Variants in NUMB observed in about 807,000 individuals in gnomAD.
The protein encoded by NUMB is NUMB endocytic adaptor protein.
In NUMB, 29 loss-of-function variants were observed where a neutral mutation model predicts 59.7. The ratio of observed to expected loss-of-function variants is 0.49; its 90% CI spans 0.36 to 0.66. The LOEUF is 0.66. NUMB is among the 30% of genes least tolerant of loss of function. The pLI is 0.00. For synonymous variants in NUMB, 288 were observed against 288.2 expected, an observed-to-expected ratio of 1.00 and a Z score of 0.01; for missense variants, 723 against 822.0, an observed-to-expected ratio of 0.88 and a Z score of 1.47.
chr14:73,312,005 CT>C (rs1400548618), intron 6 of NUMB, among the ~76,000 whole-genome samples: 1 of 152,130 alleles, frequency 6.6e-6, no homozygotes, highest in Admixed American at 6.5e-5. Context: ...ATACTTGCCC[CT>C]CTCTGTTTTC....
At chr14:73,399,462 C>T (rs9805921) in intron 2 of NUMB, among the ~76,000 whole-genome samples, 13,460 of 152,172 alleles carry the variant, frequency 0.088, 1,195 homozygotes, top group African/African-American at 0.21. Flanking sequence ...ACTTGGAAGG[C>T]TGAGGCAGGA....
chr14:73,444,931 C>T (rs2140195246), intron 1 of NUMB, among the ~76,000 whole-genome samples: 1 of 150,386 alleles, frequency 6.6e-6, no homozygotes, highest in South Asian at 2.1e-4. Context: ...CTGCAGAAAA[C>T]ATCCTCCCCA....
In NUMB at chr14:73,276,436, C is replaced by T. The variant is rs1888157831; in HGVS notation, c.*142G>A. The T allele has an allele frequency of 1.5e-6, 1 of 650,686 alleles. No individual in the cohort carries two copies. Among genetic ancestry groups the T allele is most frequent in the South Asian group, 2.1e-5 (1 of 48,194 alleles). The allele number at this position is 650,686 out of a possible 1,614,324, so 40.3% of individuals were successfully genotyped here. On this transcript the variant is annotated 3_prime_UTR_variant, in exon 13 of 13. Coordinates refer to ENST00000555238, the MANE Select transcript of NUMB (RefSeq NM_001005743.2). ...TCTTTCAAAATCACCCCTCACAGTA[C>T]TCTGGGCCTGGACTTGTTCCTTGGG... is the stretch of plus-strand genomic sequence containing the variant.
At chr14:73,354,547 C>T in intron 4 of NUMB, among the ~76,000 whole-genome samples, 1 of 147,466 alleles carries the variant, frequency 6.8e-6, no homozygotes, top group Admixed American at 6.8e-5. Context: ...AGGAAATAGG[C>T]TGGGTGCAGT....
intron 2 of NUMB, among the ~76,000 whole-genome samples, chr14:73,375,158 G>A (rs1289877256): frequency 6.6e-6 from 1 of 152,050 alleles, no homozygotes; most frequent in East Asian, 1.9e-4. Context: ...ATCAACAAAA[G>A]ACTAAGATAT....
intron 4 of NUMB, among the ~76,000 whole-genome samples, chr14:73,355,317 T>A (rs563643242): frequency 2.6e-5 from 4 of 152,234 alleles, no homozygotes; most frequent in Non-Finnish European, 5.9e-5. Context: ...CACTGAAAAT[T>A]TGAGTCCTGA....
intron 4 of NUMB, among the ~76,000 whole-genome samples, chr14:73,350,199 A>C (rs888015416): frequency 2.6e-5 from 3 of 115,388 alleles, no homozygotes; most frequent in African/African-American, 3.5e-5. Context: ...TTTGAGATGG[A>C]GTCTCGGTCT....
intron 3 of NUMB, among the ~76,000 whole-genome samples, chr14:73,356,524 T>C (rs1893792579): frequency 6.6e-6 from 1 of 151,968 alleles, no homozygotes; most frequent in Non-Finnish European, 1.5e-5. Context: ...ACACCTGTAA[T>C]CCCAGCTACT....
intron 1 of NUMB, among the ~76,000 whole-genome samples, chr14:73,447,503 A>G (rs922168651): frequency 1.3e-4 from 20 of 151,868 alleles, no homozygotes; most frequent in African/African-American, 4.8e-4. Context: ...ATAAATAAAT[A>G]TATATAAAAT....
chr14:73,408,251 CG>C (rs1896764552), intron 2 of NUMB, among the ~76,000 whole-genome samples: 3 of 51,472 alleles, frequency 5.8e-5, no homozygotes, highest in Non-Finnish European at 9.4e-5. Context: ...AAAGAAAAAA[CG>C]TTAAGATATT....
rs760667618 is a variant in NUMB at position 73,276,750 on chromosome 14, CCAT to C, written c.1781_1783del (p.Asp594del). 2.5e-6 allele frequency: 4 copies of C among 1,614,116 alleles called. No individual in the cohort carries two copies. Among genetic ancestry groups the C allele is most frequent in the East Asian group, 4.5e-5 (2 of 44,878 alleles). ...ATGCCTGTCTGCTGAGGCCAACCTGCCATCATCTACACCATTGAAAGCTGCAGA... is the reference window on the plus strand; with the variant it reads ...ATGCCTGTCTGCTGAGGCCAACCTGCCATCTACACCATTGAAAGCTGCAGA... On this transcript the variant is annotated inframe_deletion, in exon 13 of 13. Coordinates refer to ENST00000555238, the MANE Select transcript of NUMB (RefSeq NM_001005743.2).
chr14:73,415,435 T>G (rs1897084345), intron 1 of NUMB, among the ~76,000 whole-genome samples: 1 of 152,016 alleles, frequency 6.6e-6, no homozygotes, highest in African/African-American at 2.4e-5. Context: ...ATGATTACAC[T>G]CCACATCTTT....
In NUMB at chr14:73,409,989, T is replaced by C. The variant is rs2140132530; in HGVS notation, c.-153A>G. Reference sequence around the variant, plus strand: ...GCTGGCCCACCAATATTCCAATCTATGGATATAGATCAAGATCTTGAATTG... The same window carrying C: ...GCTGGCCCACCAATATTCCAATCTACGGATATAGATCAAGATCTTGAATTG... On this transcript the variant is annotated 5_prime_UTR_variant, in exon 2 of 13. Coordinates refer to ENST00000555238, the MANE Select transcript of NUMB (RefSeq NM_001005743.2). The C allele has an allele frequency of 6.6e-6, 1 of 152,352 alleles. No homozygotes were observed. The highest frequency in any genetic ancestry group is 2.1e-4 in the South Asian group (1 of 4,828). The allele number at this position is 152,352 out of a possible 1,614,324, so 9.4% of individuals were successfully genotyped here.
intron 2 of NUMB, among the ~76,000 whole-genome samples, chr14:73,376,725 A>G (rs555406757): frequency 1.3e-5 from 2 of 152,286 alleles, no homozygotes; most frequent in East Asian, 3.9e-4. Flanking sequence ...AAACACAGTC[A>G]ACTGGAGCTG....
intron 2 of NUMB, among the ~76,000 whole-genome samples, chr14:73,367,487 G>C (rs538173963): frequency 1.3e-5 from 2 of 151,714 alleles, no homozygotes; most frequent in Non-Finnish European, 2.9e-5. Context: ...GAAGAGCTGT[G>C]TCAAGAAGGA....
intron 3 of NUMB, among the ~76,000 whole-genome samples, chr14:73,359,948 A>C (rs1894022821): frequency 6.6e-6 from 1 of 152,146 alleles, no homozygotes; most frequent in Non-Finnish European, 1.5e-5. Flanking sequence ...CACTGCACTT[A>C]ATCTCCACCA....
At chr14:73,362,135 T>C (rs1894126901) in intron 3 of NUMB, among the ~76,000 whole-genome samples, 1 of 151,790 alleles carries the variant, frequency 6.6e-6, no homozygotes, top group East Asian at 1.9e-4. Flanking sequence ...TGTGTGCCTG[T>C]GGTCCCAGCT....
rs1296365105 is a variant in NUMB, at chr14:73,282,382, G to A, written c.1073C>T (p.Ala358Val). 1.2e-6 allele frequency: 2 copies of A among 1,614,042 alleles called. No homozygotes were observed. Among genetic ancestry groups the A allele is most frequent in the Non-Finnish European group, 1.7e-6 (2 of 1,180,028 alleles). ...APMTKPVTVV[A>V]PQSPTFQANG... is the part of the protein sequence containing the mutation. ...ACCTTGGAAGGTAGGAGATTGTGGT[G>A]CCACCACTGTCACTGGTTTGGTCAT... The change falls in exon 11 of 13, where the codon GCA (alanine) becomes GTA (valine). Residue 358 changes from alanine to valine, a missense_variant. Ala to Val is a moderately conservative substitution (Grantham distance 64). Coordinates refer to ENST00000555238, the MANE Select transcript of NUMB (RefSeq NM_001005743.2).
intron 2 of NUMB, among the ~76,000 whole-genome samples, chr14:73,379,402 T>G (rs1376625025): frequency 1.3e-5 from 2 of 152,214 alleles, no homozygotes; most frequent in Admixed American, 6.5e-5. Flanking sequence ...TATAGAGATA[T>G]AGCAGAGAAT....
Sources: gnomAD v4.1 joint callset for allele counts (sites outside exome capture counted in the v4.1 genomes callset) on GRCh38, gnomAD v4.1.1 for gene constraint, MANE v1.5 for transcripts, NCBI Gene and HGNC (gene_info 2026-07-23, HGNC 2026-07-21) for gene names.